MALRD1: variants seen among roughly 807,000 people sequenced by gnomAD.
MALRD1 encodes the protein MAM and LDL receptor class A domain containing 1.
A neutral mutation model predicts 242.1 loss-of-function variants in MALRD1; 247 were observed. That is an observed-to-expected ratio of 1.02 (90% confidence interval 0.92 to 1.13). MALRD1 has a LOEUF of 1.13. Ranked by LOEUF, MALRD1 falls within the 50% of genes most tolerant of loss-of-function variation. The pLI, the probability that MALRD1 is intolerant of heterozygous loss-of-function variation, is 0.00. For missense variants in MALRD1, 2,989 were observed against 2,533.1 expected (o/e 1.18, Z -3.86); for synonymous variants, 995 against 866.6 (o/e 1.15, Z -2.60).
chr10:19,209,470 C>T lies in MALRD1; in HGVS notation c.2781C>T (p.Ala927=), dbSNP rs1836943271. 6.4e-7 allele frequency: 1 copy of T among 1,550,830 alleles called. No homozygotes were observed. Among genetic ancestry groups the T allele is most frequent in the Non-Finnish European group, 8.7e-7 (1 of 1,147,036 alleles). The change falls in exon 18 of 40, where the codon GCC becomes GCT. Residue 927 remains alanine (A), a synonymous_variant. Coordinates refer to ENST00000454679, the MANE Select transcript of MALRD1 (RefSeq NM_001142308.3). ...SEPQAFQDSA[A]LLSPILNATD... ...CACAGGCTTTTCAAGACAGTGCTGCCTTACTCAGCCCAATCCTTAATGCCA... is the reference window on the plus strand; with the variant it reads ...CACAGGCTTTTCAAGACAGTGCTGCTTTACTCAGCCCAATCCTTAATGCCA...
At chr10:19,357,543 C>T (rs1350615430) in intron 26 of MALRD1, among the ~76,000 whole-genome samples, 2 of 152,080 alleles carry the variant, frequency 1.3e-5, no homozygotes, top group Non-Finnish European at 1.5e-5. Flanking sequence ...ACAAGCATAT[C>T]CTTATTTTAT....
intron 26 of MALRD1, among the ~76,000 whole-genome samples, chr10:19,361,450 T>C (rs1372256620): frequency 6.6e-6 from 1 of 152,130 alleles, no homozygotes; most frequent in African/African-American, 2.4e-5. Flanking sequence ...TCTTAGCTCA[T>C]ATTGTTCTGT....
intron 28 of MALRD1, among the ~76,000 whole-genome samples, chr10:19,402,596 C>T (rs1193169046): frequency 1.3e-5 from 2 of 152,010 alleles, no homozygotes; most frequent in African/African-American, 4.8e-5. Flanking sequence ...TTGGGTATGT[C>T]TTTATTAGCA....
At chr10:19,163,136 CTAAAAAAAAAAAAAAAAA>C (rs1834508988) in intron 12 of MALRD1, among the ~76,000 whole-genome samples, 1 of 36,918 alleles carries the variant, frequency 2.7e-5, no homozygotes, top group South Asian at 2.3e-3. Flanking sequence ...GAAACCCTGT[CTAAAAAAAAAAAAAAAAA>C]AAAAAAAAAA....
intron 5 of MALRD1, among the ~76,000 whole-genome samples, chr10:19,123,003 TG>T (rs761267603): frequency 3.1e-4 from 47 of 152,132 alleles, no homozygotes; most frequent in Non-Finnish European, 5.0e-4. Context: ...AGCCCATGCC[TG>T]GGATTACAGG....
intron 28 of MALRD1, among the ~76,000 whole-genome samples, chr10:19,442,051 A>C (rs950438715): frequency 8.6e-5 from 13 of 152,002 alleles, no homozygotes; most frequent in African/African-American, 2.9e-4. Flanking sequence ...TCCTTCACAA[A>C]CCTTGTAAGT....
At chr10:19,525,830 A>C (rs775048384) in intron 31 of MALRD1, among the ~76,000 whole-genome samples, 32 of 152,302 alleles carry the variant, frequency 2.1e-4, no homozygotes, top group Non-Finnish European at 5.9e-5. Flanking sequence ...CGATTTTACA[A>C]AATTAATTGA....
chr10:19,059,419 G>A (rs1590370595), intron 1 of MALRD1, among the ~76,000 whole-genome samples: 1 of 151,906 alleles, frequency 6.6e-6, no homozygotes, highest in East Asian at 1.9e-4. Flanking sequence ...ATGGATTCTT[G>A]CTCTGTTGCC....
intron 28 of MALRD1, among the ~76,000 whole-genome samples, chr10:19,448,043 T>C (rs1339274877): frequency 1.3e-5 from 2 of 152,186 alleles, no homozygotes; most frequent in Non-Finnish European, 2.9e-5. Flanking sequence ...TCGGTAACCA[T>C]GGAGAGGAAG....
chr10:19,636,754 C>G (rs1840147427), intron 36 of MALRD1, among the ~76,000 whole-genome samples: 1 of 151,836 alleles, frequency 6.6e-6, no homozygotes, highest in African/African-American at 2.4e-5. Flanking sequence ...CAAAACTTAG[C>G]CAGGCGCGGT....
chr10:19,113,078 A>T (rs1198415552), intron 5 of MALRD1, among the ~76,000 whole-genome samples: 1 of 151,326 alleles, frequency 6.6e-6, no homozygotes, highest in East Asian at 1.9e-4. Context: ...TCCAGCCCAC[A>T]TTTTTTTTCC....
chr10:19,698,732 A>G (rs1468402191), intron 38 of MALRD1, among the ~76,000 whole-genome samples: 1 of 152,192 alleles, frequency 6.6e-6, no homozygotes, highest in South Asian at 2.1e-4. Context: ...GCATCAGAGT[A>G]GAGAGTAAAG....
chr10:19,389,801 G>C (rs1846260103), intron 28 of MALRD1, among the ~76,000 whole-genome samples, 192 bp downstream of exon 28: 1 of 152,092 alleles, frequency 6.6e-6, no homozygotes, highest in South Asian at 2.1e-4. Flanking sequence ...CATCATGCCT[G>C]GCTAATTTTA....
chr10:19,715,120 T>A (rs1477436310), intron 38 of MALRD1, among the ~76,000 whole-genome samples: 1 of 152,034 alleles, frequency 6.6e-6, no homozygotes, highest in Non-Finnish European at 1.5e-5. Context: ...ATACTGACCA[T>A]TCTTAAAATT....
chr10:19,082,734 C>T (rs1835534022), intron 2 of MALRD1, among the ~76,000 whole-genome samples: 1 of 152,056 alleles, frequency 6.6e-6, no homozygotes, highest in Admixed American at 6.6e-5. Context: ...CAAAAACTCC[C>T]ACACATTTGC....
At chr10:19,062,581 G>C (rs138649593) in intron 1 of MALRD1, among the ~76,000 whole-genome samples, 3 of 152,318 alleles carry the variant, frequency 2.0e-5, no homozygotes, top group Non-Finnish European at 4.4e-5. Flanking sequence ...ATATGACATA[G>C]ATCAACCTTG....
At chr10:19,676,918 T>C (rs1842162241) in intron 36 of MALRD1, among the ~76,000 whole-genome samples, 1 of 152,182 alleles carries the variant, frequency 6.6e-6, no homozygotes, top group South Asian at 2.1e-4. Context: ...CATTCAGTGT[T>C]TGGTTTTCTG....
chr10:19,399,300 T>A lies in MALRD1; in HGVS notation c.4845+9691T>A, dbSNP rs149351768. Among the ~76,000 whole-genome samples the A allele has an allele frequency of 2.9e-3, 444 of 152,342 alleles. 1 individual carries two copies. The highest frequency in any genetic ancestry group is 0.01 in the African/African-American group (419 of 41,586). On this transcript the variant is annotated intron_variant, in intron 28 of 39. Coordinates refer to ENST00000454679, the MANE Select transcript of MALRD1 (RefSeq NM_001142308.3). ...TTGATTATTTCAAAGACATTTTTCA[T>A]GGTGAAACATTTCTTTTTTACTCTT...
intron 32 of MALRD1, among the ~76,000 whole-genome samples, chr10:19,547,985 T>C (rs1373296310): frequency 7.0e-6 from 1 of 142,100 alleles, no homozygotes; most frequent in Non-Finnish European, 1.5e-5. Flanking sequence ...TTTTCTCTTA[T>C]CACTATACTT....
Sources: allele counts gnomAD v4.1 joint callset (sites outside exome capture counted in the v4.1 genomes callset), GRCh38; gene constraint gnomAD v4.1.1; transcripts MANE v1.5; gene names NCBI Gene and HGNC (gene_info 2026-07-23, HGNC 2026-07-21).